Variants in KDM4B observed in about 807,000 individuals in gnomAD.
KDM4B encodes the protein lysine demethylase 4B, also known as lysine-specific demethylase 4B.
KDM4B carries 32 observed loss-of-function variants against 125.2 expected under a neutral mutation model. That is an observed-to-expected ratio of 0.26 (90% CI 0.19 to 0.34). The LOEUF (loss-of-function observed/expected upper bound fraction) is 0.34, where lower values mean the gene tolerates loss of function less well. Among genes scored for constraint, KDM4B ranks in the 10% least tolerant of loss-of-function variants. The probability of loss-of-function intolerance (pLI) is 1.00; values close to 1 mark genes in which losing one functional copy is unlikely to be tolerated. For missense variants in KDM4B, 1,190 were observed against 1,577.7 expected, an observed-to-expected ratio of 0.75 and a Z score of 4.16; for synonymous variants, 721 against 677.9, an observed-to-expected ratio of 1.06 and a Z score of -0.99.
intron 6 of KDM4B, among the ~76,000 whole-genome samples, chr19:5,061,015 TG>T (rs1191308861): frequency 4.6e-5 from 7 of 152,214 alleles, no homozygotes; most frequent in Non-Finnish European, 8.8e-5. Context: ...CTAATTAAAG[TG>T]GGCTGGCGGT....
intron 5 of KDM4B, among the ~76,000 whole-genome samples, chr19:5,043,454 G>C (rs571351099): frequency 1.5e-5 from 2 of 135,302 alleles, no homozygotes; most frequent in Admixed American, 1.5e-4. Context: ...ACCTTATCCC[G>C]CGCTGTGTTT....
intron 1 of KDM4B, among the ~76,000 whole-genome samples, chr19:4,984,372 G>A (rs1012257181): frequency 6.6e-6 from 1 of 152,220 alleles, no homozygotes; most frequent in African/African-American, 2.4e-5. Flanking sequence ...TGCTGGAAAG[G>A]AAGTTAAGGA....
At chr19:5,103,799 G>A (rs1568299663) in intron 9 of KDM4B, among the ~76,000 whole-genome samples, 1 of 152,220 alleles carries the variant, frequency 6.6e-6, no homozygotes, top group East Asian at 1.9e-4. Context: ...AGCCCAGGGG[G>A]CCTGGCTTTT....
chr19:5,066,954 T>C (rs917609282), intron 6 of KDM4B, among the ~76,000 whole-genome samples: 5 of 152,122 alleles, frequency 3.3e-5, no homozygotes, highest in Admixed American at 2.6e-4. Context: ...TCCTGGGTCC[T>C]GGGTCCCGCG....
At chr19:5,042,992 A>G (rs1404852240) in intron 5 of KDM4B, among the ~76,000 whole-genome samples, 4 of 147,132 alleles carry the variant, frequency 2.7e-5, no homozygotes, top group Admixed American at 7.0e-5. Flanking sequence ...GACCGGTCAC[A>G]TGAGGTCAGC....
At chr19:5,146,483 G>T (rs1309025852) in intron 21 of KDM4B, among the ~76,000 whole-genome samples, 2 of 152,202 alleles carry the variant, frequency 1.3e-5, no homozygotes, top group East Asian at 3.8e-4. Flanking sequence ...GCCTTCCCTG[G>T]GGGGAGGCTC....
Position 5,151,456 on chromosome 19 carries a change from T to TGGCCTTCGTGGAG in KDM4B, c.3237_3249dup (p.Ser1084GlyfsTer43). On this transcript the variant is annotated frameshift_variant, in exon 23 of 23. Coordinates refer to ENST00000159111, the MANE Select transcript of KDM4B (RefSeq NM_015015.3). LOFTEE classifies it high-confidence loss of function. The stretch of plus-strand genomic sequence containing the variant: ...GACTCCGGGCGGAGCCAGGACTACG[T>TGGCCTTCGTGGAG]GGCCTTCGTGGAGAGCCTCCTGCAG... 2 of 1,529,282 alleles carry TGGCCTTCGTGGAG rather than the reference T, an allele frequency of 1.3e-6. No individual in the cohort carries two copies. Among genetic ancestry groups the TGGCCTTCGTGGAG allele is most frequent in the Non-Finnish European group, 1.8e-6 (2 of 1,139,360 alleles). The allele number at this position is 1,529,282 out of a possible 1,614,324, so 94.7% of individuals were successfully genotyped here.
At position 5,008,906 on chromosome 19, in the gene KDM4B, C is replaced by CT. The variant is rs200928850; in HGVS notation, c.-108-7325dup. Among the ~76,000 whole-genome samples, 695 of 104,390 alleles carry CT rather than the reference C, an allele frequency of 6.7e-3. 36 individuals carry two copies. Among genetic ancestry groups the CT allele is most frequent in the South Asian group, 0.02 (63 of 3,230 alleles). The allele number at this position is 104,390 out of a possible 152,430, so 68.5% of individuals were successfully genotyped here. On this transcript the variant is annotated intron_variant, in intron 1 of 22. Coordinates refer to ENST00000159111, the MANE Select transcript of KDM4B (RefSeq NM_015015.3). ...ATGAGTGACCATGCCTGGCCCCTGCCTTTTTTTTTTTTTTTTTTTTTTTTT... is the reference window on the plus strand; with the variant it reads ...ATGAGTGACCATGCCTGGCCCCTGCCTTTTTTTTTTTTTTTTTTTTTTTTTT...
At chr19:5,122,973 C>T (rs1331363627) in intron 11 of KDM4B, among the ~76,000 whole-genome samples, 1 of 152,260 alleles carries the variant, frequency 6.6e-6, no homozygotes, top group Non-Finnish European at 1.5e-5. Flanking sequence ...GGAGCATTTG[C>T]AAACTGCACA....
intron 6 of KDM4B, among the ~76,000 whole-genome samples, chr19:5,053,669 A>T (rs1213855067): frequency 6.6e-6 from 1 of 152,150 alleles, no homozygotes; most frequent in Non-Finnish European, 1.5e-5. Context: ...TTATCTGGGG[A>T]GGCTCTTGAT....
At chr19:5,046,426 G>T (rs2037028476) in intron 5 of KDM4B, among the ~76,000 whole-genome samples, 3 of 152,182 alleles carry the variant, frequency 2.0e-5, no homozygotes, top group African/African-American at 7.2e-5. Flanking sequence ...CTCCTGCCAG[G>T]GCTCACCTTG....
intron 7 of KDM4B, chr19:5,077,152 A>G (rs1292671966): frequency 3.4e-6 from 2 of 589,634 alleles, no homozygotes; most frequent in South Asian, 2.0e-5. Flanking sequence ...CAGAGCTCAC[A>G]GCAGGGCACT....
At position 5,100,663 on chromosome 19, in the gene KDM4B, G is replaced by A. The variant is rs1039077314; in HGVS notation, c.919-9959G>A. Among the ~76,000 whole-genome samples, 9 of 152,056 alleles carry A rather than the reference G, an allele frequency of 5.9e-5. 1 individual carries two copies. The highest frequency in any genetic ancestry group is 1.9e-4 in the African/African-American group (8 of 41,382). On this transcript the variant is annotated intron_variant, in intron 9 of 22. Coordinates refer to ENST00000159111, the MANE Select transcript of KDM4B (RefSeq NM_015015.3). ...TGAACTGACCTCAAGTGATCCTCTC[G>A]CCTCGGCCTCTCAAAGTGCTGGGAT...
At chr19:5,101,933 C>T (rs1214848356) in intron 9 of KDM4B, among the ~76,000 whole-genome samples, 1 of 152,182 alleles carries the variant, frequency 6.6e-6, no homozygotes, top group Non-Finnish European at 1.5e-5. Context: ...GTCCCCAGCC[C>T]AGACACCCAC....
chr19:5,052,417 G>A (rs556497274), intron 6 of KDM4B, among the ~76,000 whole-genome samples: 93 of 152,164 alleles, frequency 6.1e-4, no homozygotes, highest in South Asian at 4.4e-3. Flanking sequence ...GGACCAGCCC[G>A]GGCTTCCTGC....
rs761303246 is a variant in KDM4B at position 5,137,222 on chromosome 19, C to T, written c.2309-40C>T. ...GTTTCACTCGGCTCCCCAAGTCTCA[C>T]CTGCCCCCCAGATCTCAGCCAGCCC... On this transcript the variant is annotated intron_variant, in intron 15 of 22. Transcript: ENST00000159111. The T allele has an allele frequency of 4.6e-6, 7 of 1,513,144 alleles. No individual in the cohort carries two copies. In the Admixed American group the frequency reaches 7.9e-5, roughly 17 times the overall value. The allele number at this position is 1,513,144 out of a possible 1,614,324, so 93.7% of individuals were successfully genotyped here.
intron 8 of KDM4B, 142 bp downstream of exon 8, chr19:5,077,612 G>A (rs1411856236): frequency 2.7e-5 from 18 of 657,844 alleles, no homozygotes; most frequent in South Asian, 2.2e-4. Flanking sequence ...GAGGAGGGCC[G>A]CATGGCTCAG....
At chr19:5,063,286 A>G (rs769631501) in intron 6 of KDM4B, among the ~76,000 whole-genome samples, 1 of 152,154 alleles carries the variant, frequency 6.6e-6, no homozygotes, top group South Asian at 2.1e-4. Flanking sequence ...GGATTTTTAC[A>G]TCCACGTGGG....
At chr19:5,134,634 C>T (rs930846025) in intron 14 of KDM4B, among the ~76,000 whole-genome samples, 2 of 152,226 alleles carry the variant, frequency 1.3e-5, no homozygotes, top group Non-Finnish European at 2.9e-5. Flanking sequence ...GGCATGCAGC[C>T]TCCCCAGGAC....
Sources: gnomAD v4.1 joint callset for allele counts (sites outside exome capture counted in the v4.1 genomes callset) on GRCh38, gnomAD v4.1.1 for gene constraint, MANE v1.5 for transcripts, NCBI Gene and HGNC (gene_info 2026-07-23, HGNC 2026-07-21) for gene names.